VEGFB: variants seen among roughly 807,000 people sequenced by gnomAD.
VEGFB encodes vascular endothelial growth factor B, also known as VEGF-related factor.
In VEGFB, 24 loss-of-function variants were observed where a neutral mutation model predicts 22.5. That is an observed-to-expected ratio of 1.07 (90% CI 0.77 to 1.50). VEGFB has a LOEUF of 1.50. Among genes scored for constraint, VEGFB ranks in the 40% most tolerant of loss-of-function variants. The pLI is 0.00. For missense variants in VEGFB, 327 were observed against 287.8 expected, an observed-to-expected ratio of 1.14 and a Z score of -0.99; for synonymous variants, 141 against 117.4, an observed-to-expected ratio of 1.20 and a Z score of -1.30.
At chr11:64,235,315 C>G in intron 1 of VEGFB, 143 bp from the exon 2 acceptor site, 1 of 784,012 alleles carries the variant, frequency 1.3e-6, no homozygotes, top group East Asian at 2.6e-5. Flanking sequence ...AAAGCTAGAG[C>G]AGTGGCCGCA....
In VEGFB at chr11:64,239,179, T is replaced by A. The variant is rs928780247; in HGVS notation, c.*846T>A. On this transcript the variant is annotated 3_prime_UTR_variant, in exon 7 of 7. Transcript: ENST00000309422. ...TGTGCACATAGAGGGAACAGAAGATTGCTGTGGTTGGCGTCCTCGGGCCCC... is the reference window on the plus strand; with the variant it reads ...TGTGCACATAGAGGGAACAGAAGATAGCTGTGGTTGGCGTCCTCGGGCCCC... 1.3e-5 allele frequency among the ~76,000 whole-genome samples: 2 copies of A among 152,184 alleles called. No homozygotes were observed. The highest frequency in any genetic ancestry group is 1.3e-4 in the Admixed American group (2 of 15,272).
In VEGFB at chr11:64,236,186, C is replaced by T. The variant is rs775086882; in HGVS notation, c.301-68C>T. Reference sequence around the variant, plus strand: ...CCGGCTGTTGGGTGAGCTTTTCTCCCTTCAGTCTTAGAGCATCCCCTTTCT... The same window carrying T: ...CCGGCTGTTGGGTGAGCTTTTCTCCTTTCAGTCTTAGAGCATCCCCTTTCT... On this transcript the variant is annotated intron_variant, in intron 3 of 6. Coordinates refer to ENST00000309422, the MANE Select transcript of VEGFB (RefSeq NM_003377.5). The T allele has an allele frequency of 8.8e-6, 14 of 1,583,184 alleles. No homozygotes were observed. The Admixed American group carries it at 1.0e-4, about 11-fold the overall frequency.
chr11:64,236,395 A>G lies in VEGFB; in HGVS notation c.374+68A>G, dbSNP rs1005965737. On this transcript the variant is annotated intron_variant, in intron 4 of 6. Coordinates refer to ENST00000309422, the MANE Select transcript of VEGFB (RefSeq NM_003377.5). The stretch of plus-strand genomic sequence containing the variant: ...TGGGGGGTGCTGGGTATGGTGGTCC[A>G]CAGAACTGGGGACCAGGTTCCTAAG... 21 of 1,483,578 alleles carry G rather than the reference A, an allele frequency of 1.4e-5. No individual in the cohort carries two copies. The East Asian group carries it at 4.3e-4, about 30-fold the overall frequency. 91.9% of individuals were successfully genotyped at this position (1,483,578 alleles called of 1,614,324 possible).
chr11:64,238,680 A>C lies in VEGFB; in HGVS notation c.*347A>C. ...CACTCTGTGCAAGTAAGCATCTTAC[A>C]ACTGGCTCTTCCTCCCCTCACTAAG... On this transcript the variant is annotated 3_prime_UTR_variant, in exon 7 of 7. Coordinates refer to ENST00000309422, the MANE Select transcript of VEGFB (RefSeq NM_003377.5). 2.1e-6 allele frequency: 1 copy of C among 477,466 alleles called. No homozygotes were observed. Among genetic ancestry groups the C allele is most frequent in the Middle Eastern group, 5.8e-4 (1 of 1,730 alleles). The allele number at this position is 477,466 out of a possible 1,614,324, so 29.6% of individuals were successfully genotyped here.
rs59541656 is a variant in VEGFB, at chr11:64,237,085, AAGAGAGAGAGAG to A, written c.375-75_375-64del. The A allele has an allele frequency of 8.3e-3, 4,980 of 601,074 alleles. 42 individuals are homozygous for A. The highest frequency in any genetic ancestry group is 0.03 in the South Asian group (1,175 of 39,798). The allele number at this position is 601,074 out of a possible 1,614,324, so 37.2% of individuals were successfully genotyped here. ...GCAAGAAGAGGGAAACACAGTCTCA[AAGAGAGAGAGAG>A]AGAGAGAGAGAGAGAGAGAGAGAGA... is the stretch of plus-strand genomic sequence containing the variant. On this transcript the variant is annotated intron_variant, in intron 4 of 6. Coordinates refer to ENST00000309422, the MANE Select transcript of VEGFB (RefSeq NM_003377.5).
intron 6 of VEGFB, 121 bp from the exon 7 acceptor site, chr11:64,238,235 C>G (rs2030241062): frequency 1.5e-6 from 2 of 1,293,970 alleles, no homozygotes; most frequent in East Asian, 5.0e-5. Context: ...CTCCAGTGCC[C>G]AGGGCCGAGT....
chr11:64,237,073 AAC>A lies in VEGFB; in HGVS notation c.375-110_375-109del, dbSNP rs1442326400. On this transcript the variant is annotated intron_variant, in intron 4 of 6. Transcript: ENST00000309422. ...ACTCCAGCCTGGGCAAGAAGAGGGA[AAC>A]ACAGTCTCAAAGAGAGAGAGAGAGA... 1.5e-5 allele frequency: 12 copies of A among 781,402 alleles called. 2 individuals are homozygous for A. In the East Asian group the frequency reaches 1.8e-4, roughly 11 times the overall value. 48.4% of individuals were successfully genotyped at this position (781,402 alleles called of 1,614,324 possible).
intron 5 of VEGFB, 72 bp from the exon 6 acceptor site, chr11:64,237,348 T>G: frequency 6.6e-7 from 1 of 1,520,130 alleles, no homozygotes; most frequent in East Asian, 2.3e-5. Context: ...CAAGCCTGTG[T>G]TCTCTGCCCC....
chr11:64,235,515 A>G lies in VEGFB; in HGVS notation c.103+15A>G. ...CCAGAGGAAAGGTAATACTTACAAAAACTCGGCACTAGCCAGCACTAAGAG... is the reference window on the plus strand; with the variant it reads ...CCAGAGGAAAGGTAATACTTACAAAGACTCGGCACTAGCCAGCACTAAGAG... On this transcript the variant is annotated intron_variant, in intron 2 of 6. Coordinates refer to ENST00000309422, the MANE Select transcript of VEGFB (RefSeq NM_003377.5). The G allele has an allele frequency of 6.2e-7, 1 of 1,613,664 alleles. No individual in the cohort carries two copies. Among genetic ancestry groups the G allele is most frequent in the Non-Finnish European group, 8.5e-7 (1 of 1,179,816 alleles).
Position 64,237,085 on chromosome 11 carries a change from A to AAGAG in VEGFB, c.375-67_375-64dup, listed in dbSNP as rs59541656. The AAGAG allele has an allele frequency of 8.6e-4, 522 of 604,516 alleles. 16 individuals carry two copies. In the African/African-American group the frequency reaches 0.012, roughly 14 times the overall value. The allele number at this position is 604,516 out of a possible 1,614,324, so 37.4% of individuals were successfully genotyped here. On this transcript the variant is annotated intron_variant, in intron 4 of 6. Transcript: ENST00000309422. ...GCAAGAAGAGGGAAACACAGTCTCA[A>AAGAG]AGAGAGAGAGAGAGAGAGAGAGAGA... is the stretch of plus-strand genomic sequence containing the variant.
chr11:64,237,522 C>T lies in VEGFB; in HGVS notation c.513C>T (p.Ala171=), dbSNP rs763975367. The change falls in exon 6 of 7, where the codon GCC becomes GCT. Residue 171 remains alanine, a synonymous_variant. Transcript: ENST00000309422. The stretch of plus-strand genomic sequence containing the variant: ...CTGACATCACCCATCCCACTCCAGC[C>T]CCAGGCCCCTCTGCCCACGCTGCAC... ...SPADITHPTP[A]PGPSAHAAPS... The T allele has an allele frequency of 6.2e-7, 1 of 1,611,418 alleles. No individual in the cohort carries two copies. Among genetic ancestry groups the T allele is most frequent in the Admixed American group, 1.7e-5 (1 of 60,008 alleles).
At chr11:64,238,208 A>C (rs2135002341) in intron 6 of VEGFB, 148 bp from the exon 7 acceptor site, 1 of 981,620 alleles carries the variant, frequency 1.0e-6, no homozygotes. Context: ...CAAAAGGTTC[A>C]TCCTTCGCCC....
chr11:64,236,484 G>C (rs1022460068), intron 4 of VEGFB, among the ~76,000 whole-genome samples, 157 bp downstream of exon 4: 1 of 152,014 alleles, frequency 6.6e-6, no homozygotes, highest in African/African-American at 2.4e-5. Flanking sequence ...GGGAGGCCGA[G>C]GCGGGCGGAT....
At chr11:64,236,801 G>C (rs533575532) in intron 4 of VEGFB, among the ~76,000 whole-genome samples, 2 of 147,946 alleles carry the variant, frequency 1.4e-5, no homozygotes, top group Admixed American at 6.7e-5. Flanking sequence ...TGCTTGGGCC[G>C]GGGGTAGTGG....
At position 64,238,529 on chromosome 11, in the gene VEGFB, T is replaced by C. The variant is rs1000845623; in HGVS notation, c.*196T>C. ...GGACCTGGGCCTCTCAGAGGGCTCT[T>C]CTGCCATCCCTTGTCTCCCTGAGGC... On this transcript the variant is annotated 3_prime_UTR_variant, in exon 7 of 7. Transcript: ENST00000309422. The C allele has an allele frequency of 2.3e-6, 2 of 885,752 alleles. No individual in the cohort carries two copies. The highest frequency in any genetic ancestry group is 1.7e-6 in the Non-Finnish European group (1 of 575,874). The allele number at this position is 885,752 out of a possible 1,614,324, so 54.9% of individuals were successfully genotyped here.
rs2030013999 is a variant in VEGFB at position 64,236,281 on chromosome 11, C to G, written c.328C>G (p.Gln110Glu). ...QILMIRYPSS[Q>E]LGEMSLEEHS... ...CCTCATGATCCGGTACCCGAGCAGT[C>G]AGCTGGGGGAGATGTCCCTGGAAGA... The change falls in exon 4 of 7, where the codon CAG becomes GAG. Residue 110 changes from glutamine (Q) to glutamate (E), a missense_variant. By Grantham distance (29) the Gln-to-Glu change is conservative. Transcript: ENST00000309422. 3 of 1,613,858 alleles carry G rather than the reference C, an allele frequency of 1.9e-6. No homozygotes were observed. Among genetic ancestry groups the G allele is most frequent in the African/African-American group, 2.7e-5 (2 of 74,944 alleles).
At position 64,234,786 on chromosome 11, in the gene VEGFB, G is replaced by C. The variant is rs1947228461; in HGVS notation, c.-48G>C. ...GGCTGTCGCCGCCCCCCGCGCCGCCGGGCTAGGGCGATGCGGGCGCCCCCG... is the reference window on the plus strand; with the variant it reads ...GGCTGTCGCCGCCCCCCGCGCCGCCCGGCTAGGGCGATGCGGGCGCCCCCG... On this transcript the variant is annotated 5_prime_UTR_variant, in exon 1 of 7. Transcript: ENST00000309422. This position sits in a 1 kb window ranked among gnomAD's most constrained non-coding sequence, Gnocchi z 5.3. The C allele has an allele frequency of 3.0e-6, 3 of 991,876 alleles. No homozygotes were observed. Among genetic ancestry groups the C allele is most frequent in the Admixed American group, 5.7e-5 (1 of 17,470 alleles). The allele number at this position is 991,876 out of a possible 1,614,324, so 61.4% of individuals were successfully genotyped here. A position where few individuals can be genotyped will look rare whatever the true frequency, so the allele number is the denominator to read the frequency against.
chr11:64,236,907 C>A (rs1036111255), intron 4 of VEGFB, among the ~76,000 whole-genome samples: 2 of 147,588 alleles, frequency 1.4e-5, no homozygotes, highest in East Asian at 4.0e-4. Context: ...GGTGAAACCC[C>A]ATCTCTACTA....
chr11:64,237,626 G>C lies in VEGFB; in HGVS notation c.617G>C (p.Gly206Ala). 6.4e-7 allele frequency: 1 copy of C among 1,562,578 alleles called. No homozygotes were observed. The highest frequency in any genetic ancestry group is 8.6e-7 in the Non-Finnish European group (1 of 1,159,302). ...DAAASSVAKG[G>A]A Reference sequence around the variant, plus strand: ...GCAGCTTCCTCCGTTGCCAAGGGCGGGGCTTAGAGCTCAACCCAGACACCT... The same window carrying C: ...GCAGCTTCCTCCGTTGCCAAGGGCGCGGCTTAGAGCTCAACCCAGACACCT... Residue 206 changes from glycine (G) to alanine (A), a missense_variant, in exon 6 of 7, where the codon GGG becomes GCG. Gly to Ala is a moderately conservative substitution (Grantham distance 60, BLOSUM62 0). Coordinates refer to ENST00000309422, the MANE Select transcript of VEGFB (RefSeq NM_003377.5).
Sources: gnomAD v4.1 joint callset for allele counts (sites outside exome capture counted in the v4.1 genomes callset) on GRCh38, gnomAD v4.1.1 for gene constraint, Gnocchi (gnomAD v3.1) non-coding constraint, MANE v1.5 for transcripts, NCBI Gene and HGNC (gene_info 2026-07-23, HGNC 2026-07-21) for gene names.